Variants in MREG observed in about 807,000 individuals in gnomAD.
MREG encodes melanoregulin, also known as dilute suppressor protein homolog.
In MREG, 31 loss-of-function variants were observed where a neutral mutation model predicts 28.5. The ratio of observed to expected loss-of-function variants is 1.09; its 90% CI spans 0.82 to 1.47. The LOEUF (loss-of-function observed/expected upper bound fraction) is 1.47, where lower values mean the gene tolerates loss of function less well. Ranked by LOEUF, MREG falls within the 40% of genes most tolerant of loss-of-function variation. MREG has a pLI of 0.00. For synonymous variants in MREG, 106 were observed against 95.2 expected, an observed-to-expected ratio of 1.11 and a Z score of -0.66; for missense variants, 256 against 257.4, an observed-to-expected ratio of 0.99 and a Z score of 0.04.
At chr2:216,026,901 T>G (rs1559202651) in intron 1 of MREG, among the ~76,000 whole-genome samples, 2 of 152,228 alleles carry the variant, frequency 1.3e-5, no homozygotes, top group African/African-American at 4.8e-5. Flanking sequence ...CTATCTGTAC[T>G]TAAAATCAAG....
chr2:215,995,629 A>G (rs59109351), intron 2 of MREG, among the ~76,000 whole-genome samples: 18,190 of 151,924 alleles, frequency 0.12, 3,359 homozygotes, highest in African/African-American at 0.4. Flanking sequence ...GAGGTAGCTG[A>G]TGAACACAGA....
At chr2:215,965,455 T>C (rs1692914567) in intron 2 of MREG, among the ~76,000 whole-genome samples, 1 of 152,094 alleles carries the variant, frequency 6.6e-6, no homozygotes, top group Admixed American at 6.6e-5. Flanking sequence ...GGGGAGAACA[T>C]TCAGCAGAGA....
chr2:216,032,265 CA>C (rs1694721838), intron 1 of MREG, among the ~76,000 whole-genome samples: 1 of 152,170 alleles, frequency 6.6e-6, no homozygotes. Flanking sequence ...GAAATGAAAA[CA>C]AAAGCCAAAT....
At chr2:216,031,697 GAA>G (rs200151037) in intron 1 of MREG, among the ~76,000 whole-genome samples, 3 of 126,840 alleles carry the variant, frequency 2.4e-5, no homozygotes, top group Admixed American at 7.6e-5. Flanking sequence ...GAAAGAGAAA[GAA>G]AGAAAGAAAG....
At chr2:215,997,774 G>A (rs1423502601) in intron 1 of MREG, among the ~76,000 whole-genome samples, 2 of 152,164 alleles carry the variant, frequency 1.3e-5, no homozygotes, top group Non-Finnish European at 2.9e-5. Context: ...GGAAAAACAA[G>A]AACAGAGTTG....
intron 2 of MREG, among the ~76,000 whole-genome samples, chr2:215,994,559 TAA>T (rs71401130): frequency 0.035 from 5,235 of 149,238 alleles, 363 homozygotes; most frequent in African/African-American, 0.12. Flanking sequence ...AGTATAATTT[TAA>T]AAAAAAAGAG....
At chr2:216,025,772 A>T (rs1694586884) in intron 1 of MREG, among the ~76,000 whole-genome samples, 1 of 152,244 alleles carries the variant, frequency 6.6e-6, no homozygotes, top group Non-Finnish European at 1.5e-5. Context: ...GGGAGGATCT[A>T]GAGCCCGTGA....
In MREG at chr2:215,944,123, G is replaced by C. The variant is rs1692257252; in HGVS notation, c.*740C>G. 1 of 151,676 alleles carries C rather than the reference G, an allele frequency of 6.6e-6. No homozygotes were observed. Among genetic ancestry groups the C allele is most frequent in the Non-Finnish European group, 1.5e-5 (1 of 68,048 alleles). 9.4% of individuals were successfully genotyped at this position (151,676 alleles called of 1,614,324 possible). The stretch of plus-strand genomic sequence containing the variant: ...GCCTCCTGGGTAGCTGGGATTACAA[G>C]CGCGTGCCATCACACCTGGCTAATT... On this transcript the variant is annotated 3_prime_UTR_variant, in exon 5 of 5. Transcript: ENST00000263268.
chr2:215,951,566 T>C (rs1386534732), intron 2 of MREG, among the ~76,000 whole-genome samples: 1 of 152,226 alleles, frequency 6.6e-6, no homozygotes, highest in Non-Finnish European at 1.5e-5. Context: ...ACTTTAACAA[T>C]GGGTCAATTA....
chr2:215,962,574 AC>A (rs1446143816), intron 2 of MREG, among the ~76,000 whole-genome samples: 2 of 152,240 alleles, frequency 1.3e-5, no homozygotes, highest in African/African-American at 4.8e-5. Context: ...TACATTTCTA[AC>A]AAGGCAGAAA....
chr2:216,022,736 AC>A (rs1694543731), intron 1 of MREG, among the ~76,000 whole-genome samples: 1 of 152,166 alleles, frequency 6.6e-6, no homozygotes, highest in South Asian at 2.1e-4. Flanking sequence ...ATTATACCTA[AC>A]CAAAATTAAA....
At chr2:216,007,482 T>C (rs1227162818) in intron 1 of MREG, among the ~76,000 whole-genome samples, 2 of 151,974 alleles carry the variant, frequency 1.3e-5, no homozygotes, top group African/African-American at 2.4e-5. Flanking sequence ...CAGGCTGGAG[T>C]GCAGTATCTC....
chr2:216,013,793 G>A (rs1163142337), upstream of MREG, among the ~76,000 whole-genome samples: 1 of 152,104 alleles, frequency 6.6e-6, no homozygotes, highest in East Asian at 1.9e-4. Context: ...ACTGCGCGAG[G>A]AAATTAAAGA....
chr2:216,031,471 GAA>G (rs1273029921), intron 1 of MREG, among the ~76,000 whole-genome samples: 145 of 118,236 alleles, frequency 1.2e-3, no homozygotes, highest in African/African-American at 3.9e-3. Flanking sequence ...AAGAAAGAAA[GAA>G]AGAGAAAGAA....
intron 1 of MREG, among the ~76,000 whole-genome samples, chr2:216,030,253 A>T (rs13029765): frequency 0.5 from 76,136 of 151,704 alleles, 19,951 homozygotes; most frequent in Admixed American, 0.56. Context: ...TTTTCAAAAT[A>T]ATCTCTTCAT....
chr2:215,972,439 T>A (rs1463420279), intron 2 of MREG, among the ~76,000 whole-genome samples: 1 of 151,976 alleles, frequency 6.6e-6, no homozygotes, highest in Non-Finnish European at 1.5e-5. Flanking sequence ...GGCCAGGAGT[T>A]AGAGACCAGC....
chr2:215,997,125 T>C (rs553547686), intron 1 of MREG, among the ~76,000 whole-genome samples: 4 of 152,086 alleles, frequency 2.6e-5, no homozygotes, highest in Non-Finnish European at 4.4e-5. Flanking sequence ...ACAATTAACA[T>C]GAAGGGATGA....
intron 2 of MREG, among the ~76,000 whole-genome samples, chr2:215,991,686 G>C (rs986922032): frequency 6.6e-6 from 1 of 151,912 alleles, no homozygotes; most frequent in Non-Finnish European, 1.5e-5. Flanking sequence ...TAACCAAACA[G>C]ATGCAATGAA....
At chr2:215,955,952 C>T (rs1336292372) in intron 2 of MREG, among the ~76,000 whole-genome samples, 1 of 152,060 alleles carries the variant, frequency 6.6e-6, no homozygotes, top group Non-Finnish European at 1.5e-5. Context: ...AGTAATGCAC[C>T]GTGGGGCTCA....
Sources: gnomAD v4.1 joint callset for allele counts (sites outside exome capture counted in the v4.1 genomes callset) on GRCh38, gnomAD v4.1.1 for gene constraint, MANE v1.5 for transcripts, NCBI Gene and HGNC (gene_info 2026-07-23, HGNC 2026-07-21) for gene names.